The following DYNC1I1 variants were observed in gnomAD, a reference collection of about 807,000 sequenced individuals.
The protein encoded by DYNC1I1 is dynein cytoplasmic 1 intermediate chain 1.
A neutral mutation model predicts 86.6 loss-of-function variants in DYNC1I1; 43 were observed. The ratio of observed to expected loss-of-function variants is 0.50; its 90% CI spans 0.39 to 0.64. The LOEUF is 0.64. Ranked by LOEUF, DYNC1I1 falls within the 30% of genes least tolerant of loss-of-function variation. DYNC1I1 has a pLI of 0.00. For missense variants in DYNC1I1, 604 were observed against 788.8 expected, an observed-to-expected ratio of 0.77 and a Z score of 2.81; for synonymous variants, 262 against 283.7, an observed-to-expected ratio of 0.92 and a Z score of 0.77.
chr7:96,108,574 G>T (rs1268424660), intron 16 of DYNC1I1, among the ~76,000 whole-genome samples: 1 of 151,894 alleles, frequency 6.6e-6, no homozygotes, highest in Non-Finnish European at 1.5e-5. Flanking sequence ...ATTTTTCTCT[G>T]GGGTATAGGC....
At chr7:96,030,259 A>C (rs1584263042) in intron 11 of DYNC1I1, among the ~76,000 whole-genome samples, 3 of 151,960 alleles carry the variant, frequency 2.0e-5, no homozygotes, top group Admixed American at 1.3e-4. Flanking sequence ...TTCCAAGATA[A>C]ATAAAAACAA....
At chr7:96,057,208 T>TC (rs1435041140) in intron 14 of DYNC1I1, among the ~76,000 whole-genome samples, 1 of 152,154 alleles carries the variant, frequency 6.6e-6, no homozygotes, top group Non-Finnish European at 1.5e-5. Flanking sequence ...ACTGGAGAGA[T>TC]CAGAAGTTGA....
At chr7:96,099,110 GT>G (rs1373282206), downstream of DYNC1I1, among the ~76,000 whole-genome samples, 2 of 152,170 alleles carry the variant, frequency 1.3e-5, no homozygotes, top group African/African-American at 4.8e-5. Flanking sequence ...GGGAAAAAAA[GT>G]TTCACAGACA....
At chr7:95,813,093 C>CTTTTTTTTTTTTTTTTT (rs11452827) in intron 3 of DYNC1I1, 154 bp from the exon 4 acceptor site, 3 of 1,114,300 alleles carry the variant, frequency 2.7e-6, no homozygotes, top group Non-Finnish European at 1.2e-6. Context: ...CTTTTCTTTC[C>CTTTTTTTTTTTTTTTTT]TTTTTTTTTT....
At position 95,984,860 on chromosome 7, in the gene DYNC1I1, A is replaced by T; in HGVS notation, c.626A>T (p.His209Leu). 1 of 1,613,314 alleles carries T rather than the reference A, an allele frequency of 6.2e-7. No homozygotes were observed. Residue 209 changes from histidine (H) to leucine (L), a missense_variant, in exon 8 of 17, where the codon CAT (histidine) becomes CTT (leucine). Transcript: ENST00000447467. ...GAGGAAGAAAAACAGCAGATCCTTC[A>T]TTCAGAGGAATTTCTCATCTTTTTT... ...LTEEEKQQIL[H>L]SEEFLIFFDR...
chr7:95,957,050 A>G (rs1792735023), intron 6 of DYNC1I1, among the ~76,000 whole-genome samples: 1 of 152,230 alleles, frequency 6.6e-6, no homozygotes, highest in Non-Finnish European at 1.5e-5. Context: ...TTGAATAATC[A>G]GGAAACTCTG....
In DYNC1I1 at chr7:95,862,505, T is replaced by C. The variant is rs552071642; in HGVS notation, c.375-7378T>C. Among the ~76,000 whole-genome samples the C allele has an allele frequency of 3.9e-5, 6 of 152,306 alleles. No homozygotes were observed. In the South Asian group the frequency reaches 1.2e-3, roughly 32 times the overall value. On this transcript the variant is annotated intron_variant, in intron 5 of 16. Coordinates refer to ENST00000447467, the MANE Select transcript of DYNC1I1 (RefSeq NM_001135556.2). ...AACACGAATCAAAACCAAAGTGAGA[T>C]ATCACTTCATATTCACTGGGATGCT...
intron 5 of DYNC1I1, among the ~76,000 whole-genome samples, chr7:95,829,040 A>G (rs1228587031): frequency 6.6e-6 from 1 of 152,204 alleles, no homozygotes; most frequent in Non-Finnish European, 1.5e-5. Context: ...GGATATCTCT[A>G]AGTGAACAGC....
chr7:96,016,604 T>A (rs1402278554), intron 10 of DYNC1I1, among the ~76,000 whole-genome samples: 1 of 152,158 alleles, frequency 6.6e-6, no homozygotes, highest in East Asian at 1.9e-4. Flanking sequence ...GTTAGCTTAT[T>A]TTTTTGTATT....
At chr7:96,074,330 A>G (rs1421559180) in intron 14 of DYNC1I1, among the ~76,000 whole-genome samples, 1 of 152,108 alleles carries the variant, frequency 6.6e-6, no homozygotes, top group Non-Finnish European at 1.5e-5. Context: ...CGGGCGGATC[A>G]CGAGGTCAGG....
At chr7:95,841,166 A>G (rs1293127638) in intron 5 of DYNC1I1, among the ~76,000 whole-genome samples, 1 of 152,198 alleles carries the variant, frequency 6.6e-6, no homozygotes, top group African/African-American at 2.4e-5. Context: ...GGTAGCGACT[A>G]GAAAATTTAA....
At chr7:95,775,499 G>A (rs1487605828) in intron 1 of DYNC1I1, among the ~76,000 whole-genome samples, 3 of 152,180 alleles carry the variant, frequency 2.0e-5, no homozygotes, top group Non-Finnish European at 2.9e-5. Context: ...CTGTGTGAGA[G>A]ACAAAAAAGC....
At chr7:95,887,340 A>G (rs929098858) in intron 6 of DYNC1I1, among the ~76,000 whole-genome samples, 9 of 152,216 alleles carry the variant, frequency 5.9e-5, no homozygotes, top group African/African-American at 1.9e-4. Flanking sequence ...TCCTGACTCT[A>G]CACTTTATAC....
At chr7:96,062,012 T>C (rs1175858053) in intron 14 of DYNC1I1, among the ~76,000 whole-genome samples, 6 of 152,204 alleles carry the variant, frequency 3.9e-5, no homozygotes, top group Non-Finnish European at 8.8e-5. Flanking sequence ...CTTGGATGAA[T>C]GTGCTTTAGA....
intron 6 of DYNC1I1, among the ~76,000 whole-genome samples, chr7:95,911,201 C>A (rs899644647): frequency 6.6e-6 from 1 of 152,144 alleles, no homozygotes; most frequent in Non-Finnish European, 1.5e-5. Flanking sequence ...TAGAACAGAG[C>A]AGGAGTCTTG....
chr7:96,008,536 T>C (rs1794197016), intron 10 of DYNC1I1, among the ~76,000 whole-genome samples: 1 of 152,240 alleles, frequency 6.6e-6, no homozygotes, highest in Non-Finnish European at 1.5e-5. Context: ...CTCAAAGAAT[T>C]GATATAATCT....
intron 4 of DYNC1I1, among the ~76,000 whole-genome samples, chr7:95,823,219 G>A (rs1795118817): frequency 6.6e-6 from 1 of 152,016 alleles, no homozygotes; most frequent in African/African-American, 2.4e-5. Flanking sequence ...ATGAATTTAG[G>A]CCCAAATCCT....
At chr7:95,836,700 T>C (rs1019145123) in intron 5 of DYNC1I1, among the ~76,000 whole-genome samples, 27 of 152,254 alleles carry the variant, frequency 1.8e-4, no homozygotes, top group Admixed American at 1.7e-3. Context: ...CTTCCCTTCT[T>C]GCTTCATTTC....
chr7:96,033,961 T>A (rs1161788872), intron 12 of DYNC1I1, among the ~76,000 whole-genome samples: 2 of 152,016 alleles, frequency 1.3e-5, no homozygotes, highest in African/African-American at 2.4e-5. Context: ...AGTGAACTAT[T>A]ATCACACCAC....
Sources: gnomAD v4.1 joint callset for allele counts (sites outside exome capture counted in the v4.1 genomes callset) on GRCh38, gnomAD v4.1.1 for gene constraint, MANE v1.5 for transcripts, NCBI Gene and HGNC (gene_info 2026-07-23, HGNC 2026-07-21) for gene names.